The following NSUN6 variants were observed in gnomAD, a reference collection of about 807,000 sequenced individuals.
NSUN6 encodes NOP2/Sun RNA methyltransferase 6.
In NSUN6, 64 loss-of-function variants were observed where a neutral mutation model predicts 58.0. The ratio of observed to expected loss-of-function variants is 1.10; its 90% CI spans 0.90 to 1.36. NSUN6 has a LOEUF of 1.36. Among genes scored for constraint, NSUN6 ranks in the 40% most tolerant of loss-of-function variants. The pLI is 0.00. For missense variants in NSUN6, 701 were observed against 550.1 expected, an observed-to-expected ratio of 1.27 and a Z score of -2.74; for synonymous variants, 231 against 193.9, an observed-to-expected ratio of 1.19 and a Z score of -1.59.
rs1339297186 is a variant in NSUN6 at position 18,551,884 on chromosome 10, C to T, written c.1010G>A (p.Cys337Tyr). ...TGCCACTTCCTTCACAGACCAAGTA[C>T]AGGCCATGTTTGGTCTCTGTCCCAT... ...SGMGQRPNMA[C>Y]TWSVKEVASY... The change falls in exon 9 of 11, where the codon TGT becomes TAT. Residue 337 changes from cysteine to tyrosine, a missense_variant. Cys to Tyr is a radical substitution (Grantham distance 194). Coordinates refer to ENST00000377304, the MANE Select transcript of NSUN6 (RefSeq NM_182543.5). 2.5e-6 allele frequency: 4 copies of T among 1,612,550 alleles called. No individual in the cohort carries two copies. The Admixed American group carries it at 5.0e-5, about 20-fold the overall frequency.
rs575381268 is a variant in NSUN6 at position 18,568,124 on chromosome 10, GCATTA to G, written c.923-16158_923-16154del. ...TCCATGCTCCATTCCATTCCATTCT[GCATTA>G]CATTACATTTCTCATGCCATTCCAT... On this transcript the variant is annotated intron_variant, in intron 8 of 10. Transcript: ENST00000377304. Among the ~76,000 whole-genome samples the G allele has an allele frequency of 1.7e-4, 24 of 143,142 alleles. No individual in the cohort carries two copies. In the East Asian group the frequency reaches 5.2e-3, roughly 31 times the overall value. The allele number at this position is 143,142 out of a possible 152,430, so 93.9% of individuals were successfully genotyped here. A position where few individuals can be genotyped will look rare whatever the true frequency, so the allele number is the denominator to read the frequency against.
rs2058357831 is a variant in NSUN6 at position 18,614,920 on chromosome 10, CT to C, written c.422-308del. Among the ~76,000 whole-genome samples, 3 of 152,050 alleles carry C rather than the reference CT, an allele frequency of 2.0e-5. No individual in the cohort carries two copies. In the South Asian group the frequency reaches 6.2e-4, roughly 32 times the overall value. On this transcript the variant is annotated intron_variant, in intron 4 of 10. Transcript: ENST00000377304. ...ATTTCCCCCAAGCCTTAAAAGATTT[CT>C]TATAAATCTTGACATCTCAGCTCAA...
intron 6 of NSUN6, among the ~76,000 whole-genome samples, chr10:18,604,910 G>T (rs1439788468): frequency 6.7e-6 from 1 of 149,532 alleles, no homozygotes; most frequent in Admixed American, 6.6e-5. Context: ...TTTTGAGACG[G>T]AGTCTCACAC....
chr10:18,611,097 G>C (rs2058216903), intron 5 of NSUN6, among the ~76,000 whole-genome samples: 1 of 152,072 alleles, frequency 6.6e-6, no homozygotes, highest in African/African-American at 2.4e-5. Context: ...TCGGGAGACT[G>C]AAATGGAGGG....
chr10:18,588,789 T>TATA (rs2057269761), intron 7 of NSUN6, among the ~76,000 whole-genome samples: 1 of 152,210 alleles, frequency 6.6e-6, no homozygotes, highest in African/African-American at 2.4e-5. Flanking sequence ...ATCAAAGGTA[T>TATA]ATAAATCCAT....
chr10:18,592,986 T>C (rs2057435952), intron 7 of NSUN6, among the ~76,000 whole-genome samples: 1 of 151,900 alleles, frequency 6.6e-6, no homozygotes, highest in Non-Finnish European at 1.5e-5. Context: ...ATAACCAGAA[T>C]CTACGAAGAA....
chr10:18,627,544 G>C (rs1238717076), intron 3 of NSUN6, among the ~76,000 whole-genome samples: 2 of 152,214 alleles, frequency 1.3e-5, no homozygotes, highest in African/African-American at 2.4e-5. Context: ...GCGCAGGTCA[G>C]TGGGTGCGCG....
intron 8 of NSUN6, among the ~76,000 whole-genome samples, chr10:18,557,486 G>C (rs2055125363): frequency 6.6e-6 from 1 of 150,900 alleles, no homozygotes; most frequent in African/African-American, 2.4e-5. Context: ...GAATGGAATA[G>C]AGCATGGAAT....
upstream of NSUN6, among the ~76,000 whole-genome samples, chr10:18,656,684 C>T (rs535250079): frequency 6.6e-6 from 1 of 151,952 alleles, no homozygotes. Flanking sequence ...TTTGAATTCC[C>T]GAGTTGTTTG....
intron 3 of NSUN6, among the ~76,000 whole-genome samples, chr10:18,638,945 G>GTT: frequency 1.3e-5 from 1 of 77,590 alleles, no homozygotes; most frequent in Middle Eastern, 8.3e-3. Flanking sequence ...GCTTGACAAT[G>GTT]TTAAAAAAAA....
chr10:18,616,414 A>C, intron 3 of NSUN6, 121 bp from the exon 4 acceptor site: 1 of 557,542 alleles, frequency 1.8e-6, no homozygotes, highest in African/African-American at 1.9e-5. Flanking sequence ...TACATAAGAA[A>C]ACGCTGAAAA....
intron 8 of NSUN6, among the ~76,000 whole-genome samples, chr10:18,580,302 C>T (rs1259244570): frequency 6.6e-6 from 1 of 152,154 alleles, no homozygotes; most frequent in Admixed American, 6.5e-5. Context: ...CCTTTTCCAA[C>T]TACTTTCCAC....
At chr10:18,557,553 G>A (rs1187288141) in intron 8 of NSUN6, among the ~76,000 whole-genome samples, 1 of 150,594 alleles carries the variant, frequency 6.6e-6, no homozygotes, top group South Asian at 2.1e-4. Flanking sequence ...ATGATGGTAT[G>A]GAGAATGGAA....
At chr10:18,641,704 G>A (rs2059395535) in intron 3 of NSUN6, among the ~76,000 whole-genome samples, 1 of 152,062 alleles carries the variant, frequency 6.6e-6, no homozygotes, top group Non-Finnish European at 1.5e-5. Flanking sequence ...TCAAACATAT[G>A]CTTTCCAAAT....
rs2058341553 is a variant in NSUN6, at chr10:18,614,463, A to C, written c.572T>G (p.Leu191Arg). 6.6e-7 allele frequency: 1 copy of C among 1,519,282 alleles called. No individual in the cohort carries two copies. The highest frequency in any genetic ancestry group is 8.8e-7 in the Non-Finnish European group (1 of 1,135,324). 94.1% of individuals were successfully genotyped at this position (1,519,282 alleles called of 1,614,324 possible). ...CCCAAAGCACCTGATGACATACTTC[A>C]GTTCAGGTAATCCACTGAAGATTTC... ...RKEIFSGLPE[L>R]KGMGIRMTEP... The change falls in exon 5 of 11, where the codon CTG becomes CGG. Residue 191 changes from leucine (L) to arginine (R), a missense_variant. By Grantham distance (102) the Leu-to-Arg change is moderately radical. Coordinates refer to ENST00000377304, the MANE Select transcript of NSUN6 (RefSeq NM_182543.5).
intron 7 of NSUN6, among the ~76,000 whole-genome samples, chr10:18,595,525 C>T (rs372321277): frequency 1.9e-3 from 286 of 152,252 alleles, no homozygotes; most frequent in African/African-American, 6.3e-3. Flanking sequence ...ATTTCAGGTG[C>T]TTTATTTTAG....
At chr10:18,552,708 T>C (rs1023337340) in intron 8 of NSUN6, among the ~76,000 whole-genome samples, 4 of 151,098 alleles carry the variant, frequency 2.6e-5, no homozygotes, top group African/African-American at 9.7e-5. Flanking sequence ...CATTCCATTC[T>C]GCGTTCCATT....
rs771990308 is a variant in NSUN6 at position 18,551,881 on chromosome 10, G to A, written c.1013C>T (p.Thr338Ile). The change falls in exon 9 of 11, where the codon ACT becomes ATT. Residue 338 changes from threonine to isoleucine, a missense_variant. By Grantham distance (89) the Thr-to-Ile change is moderately conservative. Coordinates refer to ENST00000377304, the MANE Select transcript of NSUN6 (RefSeq NM_182543.5). ...GMGQRPNMAC[T>I]WSVKEVASYQ... ...TGATGCCACTTCCTTCACAGACCAA[G>A]TACAGGCCATGTTTGGTCTCTGTCC... 1 of 1,612,652 alleles carries A rather than the reference G, an allele frequency of 6.2e-7. No individual in the cohort carries two copies.
chr10:18,585,172 G>A (rs1411985482), intron 8 of NSUN6, among the ~76,000 whole-genome samples: 1 of 152,090 alleles, frequency 6.6e-6, no homozygotes, highest in Non-Finnish European at 1.5e-5. Context: ...AATAATATAT[G>A]CCGGCAAGGA....
Sources: gnomAD v4.1 joint callset for allele counts (sites outside exome capture counted in the v4.1 genomes callset) on GRCh38, gnomAD v4.1.1 for gene constraint, MANE v1.5 for transcripts, NCBI Gene and HGNC (gene_info 2026-07-23, HGNC 2026-07-21) for gene names.